SPPL2B: variants seen among roughly 807,000 people sequenced by gnomAD.
SPPL2B encodes signal peptide peptidase like 2B.
In SPPL2B, 39 loss-of-function variants were observed where a neutral mutation model predicts 59.7. That is an observed-to-expected ratio of 0.65 (90% confidence interval 0.51 to 0.85). SPPL2B has a LOEUF of 0.85. Ranked by LOEUF, SPPL2B falls within the 40% of genes least tolerant of loss-of-function variation. SPPL2B has a pLI of 0.00. For synonymous variants in SPPL2B, 419 were observed against 370.8 expected, an observed-to-expected ratio of 1.13 and a Z score of -1.49; for missense variants, 865 against 849.0, an observed-to-expected ratio of 1.02 and a Z score of -0.23.
chr19:2,337,836 C>G (rs1373852833), intron 3 of SPPL2B: 1 of 551,728 alleles, frequency 1.8e-6, no homozygotes, highest in Admixed American at 3.6e-5. Flanking sequence ...TCTTCCTGAG[C>G]TGCTGGCTGG....
chr19:2,330,485 C>T (rs149120119), intron 1 of SPPL2B: 1 of 152,286 alleles, frequency 6.6e-6, no homozygotes, highest in Non-Finnish European at 1.5e-5. Flanking sequence ...GTTGGAAGCA[C>T]CAGAAGCAGC....
chr19:2,352,405 G>A (rs749615919), intron 14 of SPPL2B, among the ~76,000 whole-genome samples: 6 of 152,218 alleles, frequency 3.9e-5, no homozygotes, highest in African/African-American at 7.2e-5. Context: ...GCTTCTCAGC[G>A]GTGCTGGCCG....
chr19:2,339,769 G>A (rs1332662888), intron 5 of SPPL2B, 55 bp from the exon 6 acceptor site: 13 of 1,574,300 alleles, frequency 8.3e-6, no homozygotes, highest in African/African-American at 1.4e-5. Flanking sequence ...GGGCTCCCGA[G>A]CCCCGTGTCG....
intron 1 of SPPL2B, among the ~76,000 whole-genome samples, chr19:2,331,870 G>C (rs1043439842): frequency 6.6e-6 from 1 of 152,224 alleles, no homozygotes; most frequent in African/African-American, 2.4e-5. Flanking sequence ...CTTAGGAATG[G>C]GCTTGGCTGT....
chr19:2,346,051 C>T (rs992230370), intron 13 of SPPL2B, among the ~76,000 whole-genome samples: 1 of 152,174 alleles, frequency 6.6e-6, no homozygotes, highest in Non-Finnish European at 1.5e-5. Flanking sequence ...GCCTTGTCTT[C>T]TACTGTTTCT....
intron 1 of SPPL2B, among the ~76,000 whole-genome samples, chr19:2,329,643 G>T (rs1408882978): frequency 6.6e-6 from 1 of 152,080 alleles, no homozygotes; most frequent in Non-Finnish European, 1.5e-5. Flanking sequence ...TTAAGGCGTC[G>T]CCGCCACCTG....
At chr19:2,344,097 A>G in intron 10 of SPPL2B, 58 bp downstream of exon 10, 1 of 760,704 alleles carries the variant, frequency 1.3e-6, no homozygotes, top group East Asian at 1.1e-4. Flanking sequence ...CCCCCTCGCA[A>G]CCCCCGCCCC....
At chr19:2,351,694 C>G in intron 14 of SPPL2B, 100 bp downstream of exon 14, 2 of 1,484,986 alleles carry the variant, frequency 1.3e-6, no homozygotes, top group Non-Finnish European at 1.8e-6. Context: ...AGCCCTGCGG[C>G]CGCGACGGGG....
Position 2,353,294 on chromosome 19 carries a change from G to T in SPPL2B, c.*85G>T. 6.9e-7 allele frequency: 1 copy of T among 1,450,658 alleles called. No individual in the cohort carries two copies. The highest frequency in any genetic ancestry group is 9.1e-7 in the Non-Finnish European group (1 of 1,094,470). 89.9% of individuals were successfully genotyped at this position (1,450,658 alleles called of 1,614,324 possible). ...GCCCACTGGAGACAGACAGACAGAC[G>T]CCTGTCCCCCGGGACCGAGGCCTGT... is the stretch of plus-strand genomic sequence containing the variant. On this transcript the variant is annotated 3_prime_UTR_variant, in exon 15 of 15. Transcript: ENST00000613503.
At chr19:2,337,234 G>A (rs1968702690) in intron 2 of SPPL2B, 3 of 488,674 alleles carry the variant, frequency 6.1e-6, no homozygotes, top group Admixed American at 3.9e-5. Flanking sequence ...CTCCGGCCCC[G>A]CTCAGATGAG....
chr19:2,343,333 G>T (rs1322605117), intron 9 of SPPL2B, 41 bp downstream of exon 9: 4 of 1,487,118 alleles, frequency 2.7e-6, no homozygotes, highest in Non-Finnish European at 3.7e-6. Flanking sequence ...AGCATGGGTA[G>T]TGGGGGCCCT....
chr19:2,350,316 C>T (rs954740555), intron 13 of SPPL2B, among the ~76,000 whole-genome samples: 3 of 62,150 alleles, frequency 4.8e-5, no homozygotes, highest in African/African-American at 1.2e-4. Flanking sequence ...CGCTTGACTC[C>T]GTTCTCTCTC....
intron 13 of SPPL2B, among the ~76,000 whole-genome samples, chr19:2,349,647 TTC>T (rs777815990): frequency 4.9e-5 from 4 of 82,376 alleles, no homozygotes; most frequent in Admixed American, 1.2e-4. Flanking sequence ...CTTGATTCCG[TTC>T]TCTCTCTCCA....
At chr19:2,341,854 TTG>T in intron 8 of SPPL2B, 1 of 327,692 alleles carries the variant, frequency 3.1e-6, no homozygotes, top group Non-Finnish European at 6.1e-6. Flanking sequence ...ATCCCAGCAT[TTG>T]GTAGGCCAAG....
rs1232604116 is a variant in SPPL2B, at chr19:2,339,777, TCGGCCAGC to T, written c.600-41_600-34del. On this transcript the variant is annotated intron_variant, in intron 5 of 14. Coordinates refer to ENST00000613503, the MANE Select transcript of SPPL2B (RefSeq NM_152988.3). ...TGGCTGTGGGCTCCCGAGCCCCGTG[TCGGCCAGC>T]CGGCCCCAGGGCCCCACGACCCCAT... The T allele has an allele frequency of 1.9e-6, 3 of 1,583,498 alleles. No homozygotes were observed. The South Asian group carries it at 3.5e-5, about 18-fold the overall frequency.
chr19:2,340,948 T>A lies in SPPL2B; in HGVS notation c.890T>A (p.Met297Lys), dbSNP rs1968992796. 1 of 1,603,804 alleles carries A rather than the reference T, an allele frequency of 6.2e-7. No individual in the cohort carries two copies. Among genetic ancestry groups the A allele is most frequent in the Non-Finnish European group, 8.5e-7 (1 of 1,179,536 alleles). ...TTCCACAAGCGCCCGCAGGCCCGTATGCTGCTCCTGGCGCTCTTCTGCGTG... is the reference window on the plus strand; with the variant it reads ...TTCCACAAGCGCCCGCAGGCCCGTAAGCTGCTCCTGGCGCTCTTCTGCGTG... Reference protein sequence around the residue: ...PYFHKRPQARMLLLALFCVAV... With the variant: ...PYFHKRPQARKLLLALFCVAV... Residue 297 changes from methionine (M) to lysine (K), a missense_variant, in exon 8 of 15, where the codon ATG becomes AAG. Transcript: ENST00000613503.
chr19:2,335,134 C>T (rs1018239118), intron 2 of SPPL2B, among the ~76,000 whole-genome samples: 2 of 152,154 alleles, frequency 1.3e-5, no homozygotes, highest in Non-Finnish European at 2.9e-5. Flanking sequence ...GAGTCCCTCC[C>T]TCAGAGGCCC....
chr19:2,343,218 TG>T lies in SPPL2B; in HGVS notation c.967del (p.Val323SerfsTer15). ...GVFRNEDQWA[W>X]VLQDALGIAF... is the part of the protein sequence containing the mutation. ...TGCTGCTTTGTCTTGCAGGTGGGCC[TG>T]GGTCCTCCAGGATGCCCTGGGCATC... is the stretch of plus-strand genomic sequence containing the variant. On this transcript the variant is annotated frameshift_variant, in exon 9 of 15. Transcript: ENST00000613503. LOFTEE classifies it high-confidence loss of function. 1 of 1,554,686 alleles carries T rather than the reference TG, an allele frequency of 6.4e-7. No homozygotes were observed. Among genetic ancestry groups the T allele is most frequent in the Non-Finnish European group, 8.7e-7 (1 of 1,148,804 alleles).
In SPPL2B at chr19:2,344,622, C is replaced by T. The variant is rs749912935; in HGVS notation, c.1246C>T (p.Leu416Phe). 2.5e-6 allele frequency: 4 copies of T among 1,612,892 alleles called. No homozygotes were observed. The South Asian group carries it at 3.3e-5, about 13-fold the overall frequency. Residue 416 changes from leucine (L) to phenylalanine (F), a missense_variant, in exon 12 of 15, where the codon CTC becomes TTC. Leu to Phe is a conservative substitution (Grantham distance 22, BLOSUM62 0). Transcript: ENST00000613503. ...GGCCCTGTGTGACCGGCCCTTCTCCCTCCTGGGTTTCGGAGACATTTTGGT... is the reference window on the plus strand; with the variant it reads ...GGCCCTGTGTGACCGGCCCTTCTCCTTCCTGGGTTTCGGAGACATTTTGGT... The part of the protein sequence containing the change: ...PLALCDRPFS[L>F]LGFGDILVPG...
Sources: allele counts gnomAD v4.1 joint callset (sites outside exome capture counted in the v4.1 genomes callset), GRCh38; gene constraint gnomAD v4.1.1; transcripts MANE v1.5; gene names NCBI Gene and HGNC (gene_info 2026-07-23, HGNC 2026-07-21).